CYP3A5: variants seen among roughly 807,000 people sequenced by gnomAD.
CYP3A5 encodes the protein cytochrome P450 family 3 subfamily A member 5, also known as cytochrome P450 3A5.
CYP3A5 carries 51 observed loss-of-function variants against 55.9 expected under a neutral mutation model. The observed-to-expected ratio is 0.91, with a 90% CI of 0.73 to 1.15. The LOEUF is 1.15. Ranked by LOEUF, CYP3A5 falls within the 50% of genes most tolerant of loss-of-function variation. The probability of loss-of-function intolerance (pLI) is 0.00; values close to 1 mark genes in which losing one functional copy is unlikely to be tolerated. For synonymous variants in CYP3A5, 196 were observed against 213.9 expected (o/e 0.92, Z 0.73); for missense variants, 533 against 596.6 (o/e 0.89, Z 1.11).
chr7:99,663,121 C>A, intron 8 of CYP3A5: 1 of 1,229,854 alleles, frequency 8.1e-7, no homozygotes, highest in Non-Finnish European at 1.0e-6. Context: ...CGCCTTTGCC[C>A]TCCCTGTTTC....
chr7:99,668,581 T>A (rs1350198097), intron 4 of CYP3A5, among the ~76,000 whole-genome samples: 1 of 152,192 alleles, frequency 6.6e-6, no homozygotes, highest in Non-Finnish European at 1.5e-5. Context: ...GTATGTCACA[T>A]CCACAAATAA....
In CYP3A5 at chr7:99,662,951, A is replaced by T; in HGVS notation, c.799-69T>A. The T allele has an allele frequency of 3.1e-6, 5 of 1,600,470 alleles. No individual in the cohort carries two copies. The South Asian group carries it at 5.6e-5, about 18-fold the overall frequency. On this transcript the variant is annotated intron_variant, in intron 8 of 12. Transcript: ENST00000222982. The surrounding 1 kb of genome is among the most constrained non-coding windows in gnomAD (Gnocchi z 4.3). ...GAAGTCAGAAGTAAATCAAAAGTGC[A>T]GTCCTCAACCTCCCTTCTTGACTTC...
rs1474798132 is a variant in CYP3A5, at chr7:99,665,170, T to A, written c.666A>T (p.Ser222=). 1 of 1,608,958 alleles carries A rather than the reference T, an allele frequency of 6.2e-7. No individual in the cohort carries two copies. The highest frequency in any genetic ancestry group is 2.2e-5 in the East Asian group (1 of 44,864). ...KFGFLDPLFL[S]IILFPFLTPV... is the part of the protein sequence containing the mutation. ...AAGAAATAATAGCCCACATACTTAT[T>A]GAGAGAAATAATGGATCTAAGAAAC... Residue 222 remains serine, a synonymous_variant, in exon 7 of 13, where the codon TCA becomes TCT. Coordinates refer to ENST00000222982, the MANE Select transcript of CYP3A5 (RefSeq NM_000777.5).
At chr7:99,676,060 A>G in intron 2 of CYP3A5, 55 bp downstream of exon 2, 2 of 1,492,012 alleles carry the variant, frequency 1.3e-6, no homozygotes, top group Non-Finnish European at 1.9e-6. Context: ...TACTGATGGA[A>G]CTAAGCTGAT....
intron 10 of CYP3A5, chr7:99,658,942 T>G (rs1810079645): frequency 6.6e-6 from 1 of 152,256 alleles, no homozygotes; most frequent in Admixed American, 6.5e-5. Flanking sequence ...TCAGGTCCTT[T>G]AAGGACTTCT....
In CYP3A5 at chr7:99,677,717, C is replaced by T. The variant is rs887666943; in HGVS notation, c.72-1509G>A. On this transcript the variant is annotated intron_variant, in intron 1 of 12. Coordinates refer to ENST00000222982, the MANE Select transcript of CYP3A5 (RefSeq NM_000777.5). The stretch of plus-strand genomic sequence containing the variant: ...TGCCCCAGAACAGTTAGTGGAAGTG[C>T]GTGCACCACCTGCCAAAGCCAGGGT... Among the ~76,000 whole-genome samples, 6 of 152,234 alleles carry T rather than the reference C, an allele frequency of 3.9e-5. No homozygotes were observed. The East Asian group carries it at 5.8e-4, about 15-fold the overall frequency.
At position 99,653,981 on chromosome 7, in the gene CYP3A5, A is replaced by C. The variant is rs1351202225; in HGVS notation, c.1027-1202T>G. Among the ~76,000 whole-genome samples the C allele has an allele frequency of 1.3e-5, 2 of 152,222 alleles. No homozygotes were observed. Among genetic ancestry groups the C allele is most frequent in the African/African-American group, 2.4e-5 (1 of 41,448 alleles). On this transcript the variant is annotated intron_variant, in intron 10 of 12. Transcript: ENST00000222982. The surrounding 1 kb of genome is among the most constrained non-coding windows in gnomAD (Gnocchi z 4.2). ...CGCGCCCCCAGGGCCAGGCTACCTC[A>C]GACCATAGCCAGACCAGAGTGAGTC...
At position 99,662,772 on chromosome 7, in the gene CYP3A5, C is replaced by T; in HGVS notation, c.865+44G>A. On this transcript the variant is annotated intron_variant, in intron 9 of 12. Transcript: ENST00000222982. The surrounding 1 kb of genome is among the most constrained non-coding windows in gnomAD (Gnocchi z 4.3). Reference sequence around the variant, plus strand: ...ACATTTTCAGAACAAGGCCCTCCCTCTTAGTGTCCCCGCCAGTAGCCCTCA... The same window carrying T: ...ACATTTTCAGAACAAGGCCCTCCCTTTTAGTGTCCCCGCCAGTAGCCCTCA... 3.8e-6 allele frequency: 6 copies of T among 1,571,576 alleles called. No individual in the cohort carries two copies. Among genetic ancestry groups the T allele is most frequent in the Non-Finnish European group, 5.3e-6 (6 of 1,142,816 alleles).
Position 99,674,550 on chromosome 7 carries a change from C to T in CYP3A5, c.201G>A (p.Lys67=), listed in dbSNP as rs756374750. 138 of 1,613,624 alleles carry T rather than the reference C, an allele frequency of 8.6e-5. 1 individual carries two copies. Among genetic ancestry groups the T allele is most frequent in the Non-Finnish European group, 8.7e-5 (103 of 1,179,782 alleles). ...LWKFDTECYK[K]YGKMWGTYEG... ...ATACTCACCCCCACATTTTTCCATA[C>T]TTTTTATAGCACTCTGTGTCAAATT... Residue 67 remains lysine (K), a synonymous_variant, in exon 3 of 13, where the codon AAG becomes AAA. Transcript: ENST00000222982.
intron 3 of CYP3A5, 97 bp from the exon 4 acceptor site, chr7:99,672,776 A>G (rs1811801772): frequency 5.7e-6 from 9 of 1,583,818 alleles, no homozygotes; most frequent in Non-Finnish European, 7.7e-6. Context: ...ATGTTATGTA[A>G]TCCATACCCC....
rs1178201837 is a variant in CYP3A5 at position 99,662,582 on chromosome 7, C to G, written c.865+234G>C. Among the ~76,000 whole-genome samples, 2 of 152,210 alleles carry G rather than the reference C, an allele frequency of 1.3e-5. No homozygotes were observed. The highest frequency in any genetic ancestry group is 6.5e-5 in the Admixed American group (1 of 15,282). ...ATGTAGGTGATCCACAAACCACTGA[C>G]TGTCCTCCAAGCATTCTAGGTTTGC... On this transcript the variant is annotated intron_variant, in intron 9 of 12. Coordinates refer to ENST00000222982, the MANE Select transcript of CYP3A5 (RefSeq NM_000777.5). This position sits in a 1 kb window ranked among gnomAD's most constrained non-coding sequence, Gnocchi z 4.3.
chr7:99,666,449 C>A, intron 6 of CYP3A5, 152 bp downstream of exon 6: 1 of 779,168 alleles, frequency 1.3e-6, no homozygotes, highest in South Asian at 1.6e-5. Context: ...CTCATGGGAG[C>A]CACTCCCTCT....
rs766197609 is a variant in CYP3A5 at position 99,652,711 on chromosome 7, T to C, written c.1095A>G (p.Arg365=). ...CAAGTCTAATAGCAACTGGGAATAA[T>C]CTGAGTGTTTCATTCACCACCATGT... ...YLDMVVNETL[R]LFPVAIRLER... The change falls in exon 11 of 13, where the codon AGA becomes AGG. Residue 365 remains arginine, a synonymous_variant. Transcript: ENST00000222982. 12 of 1,614,132 alleles carry C rather than the reference T, an allele frequency of 7.4e-6. No homozygotes were observed. Among genetic ancestry groups the C allele is most frequent in the Admixed American group, 1.7e-5 (1 of 60,004 alleles).
chr7:99,650,720 T>C (rs2151355003), intron 11 of CYP3A5, among the ~76,000 whole-genome samples: 1 of 152,144 alleles, frequency 6.6e-6, no homozygotes, highest in East Asian at 1.9e-4. Flanking sequence ...CCTCCTCCTC[T>C]CTACCTTCCC....
intron 8 of CYP3A5, 59 bp downstream of exon 8, chr7:99,663,909 T>C: frequency 6.5e-7 from 1 of 1,536,508 alleles, no homozygotes; most frequent in South Asian, 1.3e-5. Context: ...CTATCATGTG[T>C]ATAAAATCTA....
chr7:99,659,882 G>A, intron 10 of CYP3A5: 1 of 150,004 alleles, frequency 6.7e-6, no homozygotes, highest in Non-Finnish European at 1.5e-5. Context: ...GCCATGCGCG[G>A]GATATAATCT....
At chr7:99,664,859 C>G (rs573347827) in intron 7 of CYP3A5, among the ~76,000 whole-genome samples, 1 of 151,988 alleles carries the variant, frequency 6.6e-6, no homozygotes, top group East Asian at 1.9e-4. Context: ...TAAAAAACAA[C>G]AGAGAAAAAT....
intron 1 of CYP3A5, among the ~76,000 whole-genome samples, chr7:99,676,761 C>T (rs1812327945): frequency 6.6e-6 from 1 of 152,184 alleles, no homozygotes; most frequent in Non-Finnish European, 1.5e-5. Flanking sequence ...TCTAGCCCTT[C>T]TTAAACGTTC....
At chr7:99,648,515 C>CT (rs1808842719) in intron 12 of CYP3A5, 115 bp from the exon 13 acceptor site, 1 of 698,440 alleles carries the variant, frequency 1.4e-6, no homozygotes, top group Non-Finnish European at 2.4e-6. Flanking sequence ...AAAAACGACT[C>CT]TTAACACCAT....
Sources: gnomAD v4.1 joint callset for allele counts (sites outside exome capture counted in the v4.1 genomes callset) on GRCh38, gnomAD v4.1.1 for gene constraint, Gnocchi (gnomAD v3.1) non-coding constraint, MANE v1.5 for transcripts, NCBI Gene and HGNC (gene_info 2026-07-23, HGNC 2026-07-21) for gene names.